Variants in MLPH observed in about 807,000 individuals in gnomAD.
MLPH encodes melanophilin.
MLPH carries 51 observed loss-of-function variants against 72.1 expected under a neutral mutation model. That is an observed-to-expected ratio of 0.71 (90% CI 0.56 to 0.89). The LOEUF (loss-of-function observed/expected upper bound fraction) is 0.89. Ranked by LOEUF, MLPH falls within the 40% of genes least tolerant of loss-of-function variation. The pLI, the probability that MLPH is intolerant of heterozygous loss-of-function variation, is 0.00. For synonymous variants in MLPH, 301 were observed against 310.1 expected, an observed-to-expected ratio of 0.97 and a Z score of 0.31; for missense variants, 743 against 759.9, an observed-to-expected ratio of 0.98 and a Z score of 0.26.
At chr2:237,542,698 T>C in intron 12 of MLPH, 39 bp downstream of exon 12, 1 of 836,888 alleles carries the variant, frequency 1.2e-6, no homozygotes, top group Non-Finnish European at 1.7e-6. Context: ...CAGTGCTGAG[T>C]GGGGGGGCAG....
intron 2 of MLPH, among the ~76,000 whole-genome samples, chr2:237,497,964 G>T (rs542456343): frequency 2.0e-5 from 3 of 152,154 alleles, no homozygotes; most frequent in Admixed American, 1.3e-4. Flanking sequence ...TTCAGGAGCC[G>T]CCCAGCAGTT....
intron 1 of MLPH, among the ~76,000 whole-genome samples, chr2:237,492,365 A>G (rs1175924826): frequency 6.6e-6 from 1 of 152,016 alleles, no homozygotes; most frequent in Non-Finnish European, 1.5e-5. Context: ...CCAGATTCTC[A>G]GACAGGCACC....
chr2:237,524,512 G>A (rs983829719), intron 6 of MLPH, among the ~76,000 whole-genome samples: 15 of 151,906 alleles, frequency 9.9e-5, no homozygotes, highest in African/African-American at 1.7e-4. Context: ...GTCGCTTCAC[G>A]TTTTTCTGTC....
At chr2:237,495,709 G>A (rs756035756) in intron 2 of MLPH, among the ~76,000 whole-genome samples, 5 of 152,100 alleles carry the variant, frequency 3.3e-5, no homozygotes, top group Non-Finnish European at 5.9e-5. Context: ...GTCACCCCTG[G>A]ATTTCATTAT....
chr2:237,489,055 G>C (rs996748847), intron 1 of MLPH, among the ~76,000 whole-genome samples: 2 of 152,136 alleles, frequency 1.3e-5, no homozygotes, highest in African/African-American at 4.8e-5. Flanking sequence ...CTCAGCCATT[G>C]TCCATGGTAC....
chr2:237,541,101 C>A lies in MLPH; in HGVS notation c.1446+144C>A. On this transcript the variant is annotated intron_variant, in intron 11 of 15. Transcript: ENST00000264605. The surrounding 1 kb of genome is among the most constrained non-coding windows in gnomAD (Gnocchi z 5.1). ...GCCCAGCATGCACGGCTCTGAAGGC[C>A]AGGCATGAACCTGGGGGTTTCTGGG... is the stretch of plus-strand genomic sequence containing the variant. 2 of 1,152,984 alleles carry A rather than the reference C, an allele frequency of 1.7e-6. No individual in the cohort carries two copies. Among genetic ancestry groups the A allele is most frequent in the Non-Finnish European group, 2.5e-6 (2 of 789,748 alleles). The allele number at this position is 1,152,984 out of a possible 1,614,324, so 71.4% of individuals were successfully genotyped here.
At chr2:237,546,377 A>T in intron 12 of MLPH, 1 of 570,034 alleles carries the variant, frequency 1.8e-6, no homozygotes, top group South Asian at 2.0e-5. Flanking sequence ...TTTTCTTTTC[A>T]CAATCTGAAA....
chr2:237,511,455 C>A lies in MLPH; in HGVS notation c.445+354C>A, dbSNP rs560547293. 2.9e-4 allele frequency: 92 copies of A among 321,104 alleles called. 1 individual carries two copies. Among genetic ancestry groups the A allele is most frequent in the African/African-American group, 1.8e-3 (84 of 46,512 alleles). The allele number at this position is 321,104 out of a possible 1,614,324, so 19.9% of individuals were successfully genotyped here. ...GTGAGGTGCAAACCTCTGCATCCCA[C>A]TGGCCTGGTCTGAGCACCTCAGAAG... On this transcript the variant is annotated intron_variant, in intron 4 of 15. Transcript: ENST00000264605.
At chr2:237,526,638 G>C (rs1199325990) in intron 7 of MLPH, among the ~76,000 whole-genome samples, 1 of 152,198 alleles carries the variant, frequency 6.6e-6, no homozygotes, top group African/African-American at 2.4e-5. Context: ...GAGGCAGTCT[G>C]GGGGAGAGGC....
At chr2:237,496,247 G>C (rs13410167) in intron 2 of MLPH, among the ~76,000 whole-genome samples, 28 of 152,158 alleles carry the variant, frequency 1.8e-4, no homozygotes, top group South Asian at 1.0e-3. Flanking sequence ...AATGGAAAAG[G>C]GGGGAGAACC....
intron 15 of MLPH, chr2:237,553,081 G>A: frequency 2.1e-6 from 1 of 471,112 alleles, no homozygotes; most frequent in Non-Finnish European, 4.4e-6. Flanking sequence ...TGGTTACTTG[G>A]TTATACTCTA....
At chr2:237,516,329 T>C (rs937649042) in intron 4 of MLPH, among the ~76,000 whole-genome samples, 14 of 152,128 alleles carry the variant, frequency 9.2e-5, no homozygotes, top group African/African-American at 3.4e-4. Flanking sequence ...GGAGAGACGG[T>C]GGGGCTGTGC....
At chr2:237,533,962 G>T (rs1183456831) in intron 8 of MLPH, among the ~76,000 whole-genome samples, 1 of 152,206 alleles carries the variant, frequency 6.6e-6, no homozygotes, top group Non-Finnish European at 1.5e-5. Flanking sequence ...CCGTAAATGA[G>T]ATAATGGCAG....
At chr2:237,533,594 G>T (rs1440190846) in intron 8 of MLPH, among the ~76,000 whole-genome samples, 1 of 152,160 alleles carries the variant, frequency 6.6e-6, no homozygotes. Context: ...CGTTCGCCAT[G>T]TTGGCCAGGC....
chr2:237,518,133 T>G (rs946859278), intron 4 of MLPH: 2 of 325,474 alleles, frequency 6.1e-6, no homozygotes, highest in South Asian at 2.6e-5. Context: ...GAGGGATGGA[T>G]GGATGGATGG....
rs553393217 is a variant in MLPH, at chr2:237,505,484, G to A, written c.111-5090G>A. On this transcript the variant is annotated intron_variant, in intron 2 of 15. Coordinates refer to ENST00000264605, the MANE Select transcript of MLPH (RefSeq NM_024101.7). This position sits in a 1 kb window ranked among gnomAD's most constrained non-coding sequence, Gnocchi z 4.5. ...GACCCCTCATGCAGGCTCTTCCCCC[G>A]CCTGTGTGCTGGACCTTGGGGATGG... Among the ~76,000 whole-genome samples the A allele has an allele frequency of 4.6e-5, 7 of 152,246 alleles. No individual in the cohort carries two copies. The East Asian group carries it at 1.2e-3, about 25-fold the overall frequency.
chr2:237,553,486 A>G (rs2081077099), intron 15 of MLPH, 80 bp from the exon 16 acceptor site: 1 of 1,310,332 alleles, frequency 7.6e-7, no homozygotes, highest in African/African-American at 1.5e-5. Flanking sequence ...GTGTATTTGT[A>G]TGTGCATGCC....
chr2:237,545,271 T>C lies in MLPH; in HGVS notation c.1540-1335T>C, dbSNP rs530813750. On this transcript the variant is annotated intron_variant, in intron 12 of 15. Coordinates refer to ENST00000264605, the MANE Select transcript of MLPH (RefSeq NM_024101.7). ...GAGTGAGGGGAACACAGCAACCCAG[T>C]TGAGTTGGTGCCCCCTGAGGCCTCC... Among the ~76,000 whole-genome samples the C allele has an allele frequency of 2.2e-3, 333 of 148,844 alleles. 2 individuals are homozygous for C. Among genetic ancestry groups the C allele is most frequent in the African/African-American group, 7.3e-3 (287 of 39,534 alleles).
intron 8 of MLPH, among the ~76,000 whole-genome samples, chr2:237,531,983 T>C (rs973207558): frequency 6.6e-6 from 1 of 152,242 alleles, no homozygotes. Flanking sequence ...AACAGCTTTG[T>C]TTGAATTATT....
Sources: gnomAD v4.1 joint callset for allele counts (sites outside exome capture counted in the v4.1 genomes callset) on GRCh38, gnomAD v4.1.1 for gene constraint, Gnocchi (gnomAD v3.1) non-coding constraint, MANE v1.5 for transcripts, NCBI Gene and HGNC (gene_info 2026-07-23, HGNC 2026-07-21) for gene names.